The following MDGA2 variants were observed in gnomAD, a reference collection of about 807,000 sequenced individuals.
MDGA2 encodes the protein MAM domain-containing glycosylphosphatidylinositol anchor protein 2.
MDGA2 carries 40 observed loss-of-function variants against 117.8 expected under a neutral mutation model. The ratio of observed to expected loss-of-function variants is 0.34; its 90% CI spans 0.26 to 0.44. The LOEUF (loss-of-function observed/expected upper bound fraction) is 0.44, where lower values mean the gene tolerates loss of function less well. Ranked by LOEUF, MDGA2 falls within the 20% of genes least tolerant of loss-of-function variation. The pLI, the probability that MDGA2 is intolerant of heterozygous loss-of-function variation, is 1.00. For synonymous variants in MDGA2, 452 were observed against 439.0 expected (o/e 1.03, Z -0.37); for missense variants, 1,123 against 1,250.6 (o/e 0.90, Z 1.54).
At chr14:47,026,251 G>A (rs999610585) in intron 8 of MDGA2, among the ~76,000 whole-genome samples, 3 of 152,134 alleles carry the variant, frequency 2.0e-5, no homozygotes, top group Admixed American at 2.0e-4. Flanking sequence ...ATCTCTTGCT[G>A]GAGGGAGAGG....
intron 8 of MDGA2, among the ~76,000 whole-genome samples, chr14:47,012,798 G>A (rs1035763808): frequency 6.6e-6 from 1 of 152,018 alleles, no homozygotes; most frequent in Non-Finnish European, 1.5e-5. Context: ...CCAGAGCACT[G>A]CAATAAGCAA....
At chr14:46,900,478 T>A (rs548493297) in intron 10 of MDGA2, among the ~76,000 whole-genome samples, 1 of 152,120 alleles carries the variant, frequency 6.6e-6, no homozygotes, top group East Asian at 1.9e-4. Flanking sequence ...AAAGAAAGAA[T>A]TATTAAACAA....
intron 4 of MDGA2, among the ~76,000 whole-genome samples, chr14:47,138,418 GAT>G (rs1487320843): frequency 1.3e-5 from 2 of 151,960 alleles, no homozygotes; most frequent in African/African-American, 4.8e-5. Context: ...TACACAAGAT[GAT>G]GTCATGAACA....
chr14:47,397,916 T>G (rs2138452600), intron 1 of MDGA2, among the ~76,000 whole-genome samples: 1 of 152,236 alleles, frequency 6.6e-6, no homozygotes, highest in African/African-American at 2.4e-5. Context: ...CCTCAAGAAT[T>G]AGAAACATCT....
At chr14:47,320,025 C>T (rs374967253) in intron 1 of MDGA2, among the ~76,000 whole-genome samples, 7 of 152,090 alleles carry the variant, frequency 4.6e-5, no homozygotes, top group Admixed American at 1.3e-4. Context: ...GAGACGGATG[C>T]GTTGCATCTC....
At chr14:47,097,992 CT>C (rs1880075470) in intron 5 of MDGA2, among the ~76,000 whole-genome samples, 1 of 151,826 alleles carries the variant, frequency 6.6e-6, no homozygotes, top group Non-Finnish European at 1.5e-5. Flanking sequence ...CATTTTTTTT[CT>C]GCTTACACTG....
At chr14:47,618,278 C>CT (rs1896983899) in intron 1 of MDGA2, among the ~76,000 whole-genome samples, 3 of 152,192 alleles carry the variant, frequency 2.0e-5, no homozygotes, top group Non-Finnish European at 4.4e-5. Context: ...TCTTGGTGCA[C>CT]TTTTTGCAGA....
At chr14:46,943,740 A>G (rs1283549968) in intron 9 of MDGA2, among the ~76,000 whole-genome samples, 2 of 152,038 alleles carry the variant, frequency 1.3e-5, no homozygotes, top group Non-Finnish European at 2.9e-5. Flanking sequence ...GTGAACCCTA[A>G]ATTACAATGT....
intron 1 of MDGA2, among the ~76,000 whole-genome samples, chr14:47,667,071 A>C (rs1200994320): frequency 6.6e-6 from 1 of 152,236 alleles, no homozygotes; most frequent in Admixed American, 6.5e-5. Context: ...CCGCGGCTTC[A>C]TTCTTGAAGT....
chr14:46,917,671 C>CA (rs1273115771), intron 10 of MDGA2, among the ~76,000 whole-genome samples: 3 of 151,970 alleles, frequency 2.0e-5, no homozygotes, highest in African/African-American at 4.8e-5. Context: ...ACTAATTTTT[C>CA]AAAAGGAACA....
intron 2 of MDGA2, among the ~76,000 whole-genome samples, chr14:47,232,400 T>C (rs1347301260): frequency 6.6e-6 from 1 of 152,106 alleles, no homozygotes; most frequent in Admixed American, 6.5e-5. Flanking sequence ...CTGTATGTTA[T>C]TCTTGCAGGC....
chr14:47,098,276 A>G (rs78046724), intron 5 of MDGA2, among the ~76,000 whole-genome samples: 15 of 148,862 alleles, frequency 1.0e-4, no homozygotes, highest in South Asian at 2.1e-4. Context: ...AAAAAAAAAA[A>G]AAAGCCAGAA....
chr14:47,225,832 C>A (rs200257769), intron 2 of MDGA2, among the ~76,000 whole-genome samples: 10,122 of 148,632 alleles, frequency 0.068, 380 homozygotes, highest in African/African-American at 0.065. Context: ...TAAAAAAAAA[C>A]CATTTCTCTA....
chr14:47,019,503 C>T (rs1888207591), intron 8 of MDGA2, among the ~76,000 whole-genome samples: 1 of 152,194 alleles, frequency 6.6e-6, no homozygotes, highest in South Asian at 2.1e-4. Context: ...CTAATAACAA[C>T]GTGTAAAGGG....
intron 2 of MDGA2, among the ~76,000 whole-genome samples, chr14:47,222,218 G>A (rs997765380): frequency 6.6e-6 from 1 of 151,806 alleles, no homozygotes; most frequent in Admixed American, 6.6e-5. Context: ...AGCCAAGATG[G>A]GAAAAGAAGG....
rs34567649 is a variant in MDGA2 at position 46,841,627 on chromosome 14, A to ATT, written c.*302_*303dup. 878 of 130,102 alleles carry ATT rather than the reference A, an allele frequency of 6.7e-3. 6 individuals carry two copies. The highest frequency in any genetic ancestry group is 9.0e-3 in the Non-Finnish European group (575 of 63,854). The allele number at this position is 130,102 out of a possible 1,614,324, so 8.1% of individuals were successfully genotyped here. A position where few individuals can be genotyped will look rare whatever the true frequency, so the allele number is the denominator to read the frequency against. ...TAGCTCTTTTTTTTTTCTTTTTTTC[A>ATT]TTTTTTTTTTTTTTTCCAGAGTTCA... On this transcript the variant is annotated 3_prime_UTR_variant, in exon 17 of 17. Transcript: ENST00000399232.
chr14:47,467,560 G>C (rs1223037597), intron 1 of MDGA2, among the ~76,000 whole-genome samples: 1 of 152,064 alleles, frequency 6.6e-6, no homozygotes, highest in Non-Finnish European at 1.5e-5. Context: ...CCCAGAAGTA[G>C]ATAAAGAGAC....
intron 1 of MDGA2, among the ~76,000 whole-genome samples, chr14:47,389,712 G>A (rs1272520207): frequency 1.3e-5 from 2 of 151,964 alleles, no homozygotes; most frequent in East Asian, 1.9e-4. Context: ...GCCCTACTTT[G>A]CAGTCCTTGG....
chr14:47,568,860 T>A lies in MDGA2; in HGVS notation c.280+105657A>T, dbSNP rs140201001. Among the ~76,000 whole-genome samples, 586 of 152,272 alleles carry A rather than the reference T, an allele frequency of 3.8e-3. 3 individuals carry two copies. The highest frequency in any genetic ancestry group is 0.013 in the African/African-American group (547 of 41,556). ...ATTTTTTTTTAAGTTTGCACTGATG[T>A]TTATGAAGTAAGCTTCTATTTGGAG... On this transcript the variant is annotated intron_variant, in intron 1 of 16. Coordinates refer to ENST00000399232, the MANE Select transcript of MDGA2 (RefSeq NM_001113498.3).
Sources: allele counts gnomAD v4.1 joint callset (sites outside exome capture counted in the v4.1 genomes callset), GRCh38; gene constraint gnomAD v4.1.1; transcripts MANE v1.5; gene names NCBI Gene and HGNC (gene_info 2026-07-23, HGNC 2026-07-21).